CACNA2D3: variants seen among roughly 807,000 people sequenced by gnomAD.
CACNA2D3 encodes the protein voltage-dependent calcium channel subunit alpha-2/delta-3.
In CACNA2D3, 60 loss-of-function variants were observed where a neutral mutation model predicts 160.6. The ratio of observed to expected loss-of-function variants is 0.37; its 90% CI spans 0.30 to 0.46. CACNA2D3 has a LOEUF of 0.46. CACNA2D3 is among the 20% of genes least tolerant of loss of function. The probability of loss-of-function intolerance (pLI) is 1.00; values close to 1 mark genes in which losing one functional copy is unlikely to be tolerated. For missense variants in CACNA2D3, 1,205 were observed against 1,365.0 expected, an observed-to-expected ratio of 0.88 and a Z score of 1.85; for synonymous variants, 558 against 492.9, an observed-to-expected ratio of 1.13 and a Z score of -1.75.
intron 3 of CACNA2D3, among the ~76,000 whole-genome samples, chr3:54,325,382 A>G (rs1704101445): frequency 6.6e-6 from 1 of 152,242 alleles, no homozygotes; most frequent in Non-Finnish European, 1.5e-5. Context: ...TGGTGAATTT[A>G]TGATTTTATG....
intron 13 of CACNA2D3, among the ~76,000 whole-genome samples, chr3:54,783,495 A>G (rs1285194401): frequency 6.6e-6 from 1 of 152,062 alleles, no homozygotes; most frequent in Non-Finnish European, 1.5e-5. Context: ...AATCCCAGCT[A>G]CTCGGGAGAC....
chr3:54,506,845 T>C (rs1467492927), intron 5 of CACNA2D3, among the ~76,000 whole-genome samples: 1 of 152,160 alleles, frequency 6.6e-6, no homozygotes, highest in Admixed American at 6.6e-5. Flanking sequence ...CCATATCCTC[T>C]ATGAGTAAAG....
chr3:54,776,593 G>A (rs1439335740), intron 13 of CACNA2D3, among the ~76,000 whole-genome samples: 5 of 152,168 alleles, frequency 3.3e-5, no homozygotes, highest in Non-Finnish European at 7.3e-5. Flanking sequence ...AAGAGGCCTG[G>A]ATAGGAGGAA....
At chr3:54,205,894 A>G (rs972421117) in intron 2 of CACNA2D3, among the ~76,000 whole-genome samples, 23 of 152,208 alleles carry the variant, frequency 1.5e-4, no homozygotes, top group African/African-American at 5.3e-4. Flanking sequence ...TGAACTTCAG[A>G]TAAACAGTGA....
At chr3:54,857,505 T>G (rs543998081) in intron 17 of CACNA2D3, among the ~76,000 whole-genome samples, 1 of 152,282 alleles carries the variant, frequency 6.6e-6, no homozygotes, top group Admixed American at 6.5e-5. Flanking sequence ...GAGGGTTGTG[T>G]TTTACACTGG....
intron 11 of CACNA2D3, among the ~76,000 whole-genome samples, chr3:54,675,860 A>G (rs1474324456): frequency 6.6e-6 from 1 of 151,998 alleles, no homozygotes; most frequent in Non-Finnish European, 1.5e-5. Context: ...GCATTTCCCA[A>G]ACCTGACCTC....
intron 2 of CACNA2D3, among the ~76,000 whole-genome samples, chr3:54,296,530 G>T (rs566492567): frequency 2.1e-4 from 32 of 152,314 alleles, no homozygotes; most frequent in Non-Finnish European, 4.0e-4. Context: ...CAGCATTTAA[G>T]TGAGAACAGG....
intron 34 of CACNA2D3, 42 bp downstream of exon 34, chr3:55,009,485 A>C (rs1339505146): frequency 6.4e-7 from 1 of 1,559,616 alleles, no homozygotes; most frequent in Non-Finnish European, 8.8e-7. Flanking sequence ...TGGAGGGATA[A>C]GCGCTGGGTT....
At chr3:54,708,305 C>T (rs577632870) in intron 11 of CACNA2D3, among the ~76,000 whole-genome samples, 1 of 152,170 alleles carries the variant, frequency 6.6e-6, no homozygotes, top group African/African-American at 2.4e-5. Flanking sequence ...TGATGGCAGG[C>T]GAAAACTGTT....
intron 3 of CACNA2D3, among the ~76,000 whole-genome samples, chr3:54,386,237 A>T (rs983304335): frequency 6.6e-6 from 1 of 152,220 alleles, no homozygotes; most frequent in Non-Finnish European, 1.5e-5. Flanking sequence ...TACATATTAG[A>T]ACTGGGTACA....
intron 5 of CACNA2D3, among the ~76,000 whole-genome samples, chr3:54,513,922 C>T (rs758190964): frequency 2.6e-5 from 4 of 152,218 alleles, no homozygotes; most frequent in Admixed American, 1.3e-4. Context: ...ATCCACCTGC[C>T]TTGGCCTCCC....
chr3:54,242,633 G>T (rs1438973645), intron 2 of CACNA2D3, among the ~76,000 whole-genome samples: 1 of 152,120 alleles, frequency 6.6e-6, no homozygotes, highest in East Asian at 1.9e-4. Context: ...CAAATGGGTG[G>T]GTAGCATATA....
intron 21 of CACNA2D3, among the ~76,000 whole-genome samples, chr3:54,882,449 C>G (rs1249877968): frequency 1.3e-5 from 2 of 152,084 alleles, no homozygotes; most frequent in Non-Finnish European, 2.9e-5. Flanking sequence ...TTTGCATTGT[C>G]TTTTGGATTC....
chr3:54,237,115 G>A (rs933961514), intron 2 of CACNA2D3, among the ~76,000 whole-genome samples: 1 of 151,826 alleles, frequency 6.6e-6, no homozygotes, highest in African/African-American at 2.4e-5. Flanking sequence ...TGATTTCAAG[G>A]GTAGGAGGAC....
intron 27 of CACNA2D3, among the ~76,000 whole-genome samples, chr3:54,906,922 T>C (rs565404993): frequency 6.6e-6 from 1 of 152,248 alleles, no homozygotes; most frequent in African/African-American, 2.4e-5. Context: ...GAGCAGCTGC[T>C]CTGCATACCA....
intron 21 of CACNA2D3, among the ~76,000 whole-genome samples, chr3:54,882,367 C>T (rs922687096): frequency 2.0e-5 from 3 of 152,166 alleles, no homozygotes; most frequent in Admixed American, 6.5e-5. Context: ...CCTGTCCCTC[C>T]CTTCCTCTCT....
chr3:54,208,271 A>G (rs543812617), intron 2 of CACNA2D3, among the ~76,000 whole-genome samples: 46 of 152,166 alleles, frequency 3.0e-4, no homozygotes, highest in African/African-American at 1.0e-3. Flanking sequence ...ATGCCTGGCT[A>G]ATTTTTTTGT....
At chr3:54,730,893 A>G (rs949502415) in intron 11 of CACNA2D3, among the ~76,000 whole-genome samples, 1 of 152,194 alleles carries the variant, frequency 6.6e-6, no homozygotes, top group Non-Finnish European at 1.5e-5. Context: ...CCGAAACAAA[A>G]TTAATTTAAA....
At chr3:54,286,708 G>C (rs372857378) in intron 2 of CACNA2D3, among the ~76,000 whole-genome samples, 3 of 152,180 alleles carry the variant, frequency 2.0e-5, no homozygotes, top group East Asian at 3.8e-4. Flanking sequence ...AAAGGGAAGC[G>C]CATCAGACTA....
Sources: gnomAD v4.1 joint callset for allele counts (sites outside exome capture counted in the v4.1 genomes callset) on GRCh38, gnomAD v4.1.1 for gene constraint, MANE v1.5 for transcripts, NCBI Gene and HGNC (gene_info 2026-07-23, HGNC 2026-07-21) for gene names.